Variants in WDPCP observed in about 807,000 individuals in gnomAD.
WDPCP encodes the protein WD repeat containing planar cell polarity effector.
A neutral mutation model predicts 93.1 loss-of-function variants in WDPCP; 71 were observed. That is an observed-to-expected ratio of 0.76 (90% CI 0.63 to 0.93). The LOEUF is 0.93. WDPCP is among the 40% of genes least tolerant of loss of function. The probability of loss-of-function intolerance (pLI) is 0.00; values close to 1 mark genes in which losing one functional copy is unlikely to be tolerated. For missense variants in WDPCP, 844 were observed against 887.4 expected (o/e 0.95, Z 0.62); for synonymous variants, 315 against 315.0 (o/e 1.00, Z 0.00).
intron 3 of WDPCP, chr2:63,622,625 T>C (rs747434406): frequency 3.5e-5 from 56 of 1,613,586 alleles, no homozygotes; most frequent in Middle Eastern, 1.6e-4. Flanking sequence ...TGGCAGGAAA[T>C]AGTTGCTTGG....
At chr2:63,323,354 T>G (rs1687270580) in intron 12 of WDPCP, among the ~76,000 whole-genome samples, 1 of 152,192 alleles carries the variant, frequency 6.6e-6, no homozygotes, top group African/African-American at 2.4e-5. Context: ...TTCTGTTACC[T>G]TCTGTAGGCA....
At chr2:63,386,870 C>G (rs1471282576) in intron 10 of WDPCP, among the ~76,000 whole-genome samples, 1 of 151,968 alleles carries the variant, frequency 6.6e-6, no homozygotes, top group Non-Finnish European at 1.5e-5. Flanking sequence ...CCTCTATGCA[C>G]TCAAGCTAGA....
chr2:63,312,871 T>C (rs185592182), intron 13 of WDPCP, among the ~76,000 whole-genome samples: 2 of 152,234 alleles, frequency 1.3e-5, no homozygotes, highest in African/African-American at 4.8e-5. Flanking sequence ...TCGAGATCTG[T>C]GGGACATCTT....
At chr2:63,315,410 T>G (rs1686559457) in intron 12 of WDPCP, among the ~76,000 whole-genome samples, 1 of 92,218 alleles carries the variant, frequency 1.1e-5, no homozygotes, top group Non-Finnish European at 2.0e-5. Flanking sequence ...ACAAACAAAT[T>G]CATGTCTGGA....
At chr2:63,205,417 A>C (rs1676265502) in intron 14 of WDPCP, among the ~76,000 whole-genome samples, 1 of 152,140 alleles carries the variant, frequency 6.6e-6, no homozygotes, top group Non-Finnish European at 1.5e-5. Context: ...TTGTTTTGGT[A>C]GTATGGACAT....
intron 3 of WDPCP, among the ~76,000 whole-genome samples, chr2:63,636,283 T>C (rs1709920047): frequency 6.6e-6 from 1 of 152,218 alleles, no homozygotes; most frequent in Admixed American, 6.5e-5. Flanking sequence ...CTATCCAAAG[T>C]GATCAATAGA....
At chr2:63,333,182 G>T (rs552848672) in intron 12 of WDPCP, among the ~76,000 whole-genome samples, 115 of 152,180 alleles carry the variant, frequency 7.6e-4, no homozygotes, top group South Asian at 1.9e-3. Flanking sequence ...GGGGTCTGGG[G>T]ACTCATGCCC....
At chr2:63,745,643 TACAC>T (rs5831669) in intron 2 of WDPCP, among the ~76,000 whole-genome samples, 1,928 of 148,882 alleles carry the variant, frequency 0.013, 20 homozygotes, top group Non-Finnish European at 0.018. Flanking sequence ...TGCACGCACT[TACAC>T]ACACACACAC....
intron 12 of WDPCP, among the ~76,000 whole-genome samples, chr2:63,344,112 T>C (rs1455264045): frequency 6.6e-6 from 1 of 152,224 alleles, no homozygotes; most frequent in Non-Finnish European, 1.5e-5. Flanking sequence ...ATTTTAAATA[T>C]TTTAATGTTA....
At chr2:63,430,149 A>G (rs1302765416) in intron 9 of WDPCP, among the ~76,000 whole-genome samples, 3 of 152,182 alleles carry the variant, frequency 2.0e-5, no homozygotes, top group Non-Finnish European at 2.9e-5. Flanking sequence ...GTTCTCTCTT[A>G]TAAGTGGGAG....
chr2:63,761,636 G>A (rs139870168), intron 2 of WDPCP, among the ~76,000 whole-genome samples: 15 of 152,246 alleles, frequency 9.9e-5, no homozygotes, highest in African/African-American at 3.4e-4. Context: ...GGAGAAAGAT[G>A]CAGGCTGGGA....
intron 12 of WDPCP, among the ~76,000 whole-genome samples, chr2:63,377,290 G>C (rs1465872986): frequency 6.6e-6 from 1 of 151,604 alleles, no homozygotes; most frequent in East Asian, 1.9e-4. Flanking sequence ...CCTTGAAAGA[G>C]TGAAAAGCAC....
At chr2:63,174,095 T>C (rs13411767) in intron 15 of WDPCP, among the ~76,000 whole-genome samples, 50,373 of 152,080 alleles carry the variant, frequency 0.33, 9,499 homozygotes, top group Non-Finnish European at 0.42. Context: ...TATTTGCTCT[T>C]TAGCCCTTTA....
intron 14 of WDPCP, among the ~76,000 whole-genome samples, chr2:63,190,851 C>G (rs1408854462): frequency 7.2e-5 from 11 of 152,070 alleles, no homozygotes; most frequent in South Asian, 4.1e-4. Context: ...GTGATTATAG[C>G]CTGAATGACC....
chr2:63,785,586 T>G (rs1670455011), intron 2 of WDPCP, among the ~76,000 whole-genome samples: 1 of 152,210 alleles, frequency 6.6e-6, no homozygotes, highest in Admixed American at 6.5e-5. Flanking sequence ...TTAGGAAATA[T>G]GATAAACCCT....
chr2:63,307,107 G>C (rs1159823841), intron 13 of WDPCP, among the ~76,000 whole-genome samples: 2 of 151,896 alleles, frequency 1.3e-5, no homozygotes, highest in Non-Finnish European at 1.5e-5. Flanking sequence ...AACAGACAGA[G>C]AGCTAAATCA....
chr2:63,715,870 G>A (rs114581830), intron 2 of WDPCP, among the ~76,000 whole-genome samples: 1,872 of 152,280 alleles, frequency 0.012, 16 homozygotes, highest in Non-Finnish European at 0.015. Context: ...CCCAGTGAGG[G>A]CTAGGGAAAT....
chr2:63,300,107 A>T (rs1455558523), intron 13 of WDPCP, among the ~76,000 whole-genome samples: 3 of 151,984 alleles, frequency 2.0e-5, no homozygotes, highest in Non-Finnish European at 4.4e-5. Flanking sequence ...CACCTCCTCA[A>T]ACTGGACTAT....
At chr2:63,267,978 C>A (rs889775323) in intron 13 of WDPCP, among the ~76,000 whole-genome samples, 1 of 151,902 alleles carries the variant, frequency 6.6e-6, no homozygotes, top group African/African-American at 2.4e-5. Context: ...GGGTATATAT[C>A]CAAAGGGATT....
Sources: allele counts gnomAD v4.1 joint callset (sites outside exome capture counted in the v4.1 genomes callset), GRCh38; gene constraint gnomAD v4.1.1; transcripts MANE v1.5; gene names NCBI Gene and HGNC (gene_info 2026-07-23, HGNC 2026-07-21).